Variants in AUTS2 observed in about 807,000 individuals in gnomAD.
The protein encoded by AUTS2 is autism susceptibility gene 2 protein.
A neutral mutation model predicts 112.4 loss-of-function variants in AUTS2; 17 were observed. The observed-to-expected ratio is 0.15, with a 90% CI of 0.10 to 0.23. AUTS2 has a LOEUF of 0.23. AUTS2 is among the 10% of genes least tolerant of loss of function. The probability of loss-of-function intolerance (pLI) is 1.00; values close to 1 mark genes in which losing one functional copy is unlikely to be tolerated. For synonymous variants in AUTS2, 751 were observed against 702.7 expected (o/e 1.07, Z -1.09); for missense variants, 1,510 against 1,701.6 (o/e 0.89, Z 1.98).
intron 5 of AUTS2, among the ~76,000 whole-genome samples, chr7:70,615,382 T>G (rs1203938052): frequency 6.6e-6 from 1 of 152,192 alleles, no homozygotes; most frequent in Non-Finnish European, 1.5e-5. Flanking sequence ...ATACAACTTC[T>G]GTCGAACTAA....
At chr7:69,872,883 C>T (rs945748618) in intron 1 of AUTS2, among the ~76,000 whole-genome samples, 2 of 124,842 alleles carry the variant, frequency 1.6e-5, no homozygotes, top group Non-Finnish European at 3.2e-5. Context: ...CACTTTGTCA[C>T]CCTGGCTGGA....
At chr7:70,623,641 C>T (rs926066621) in intron 5 of AUTS2, among the ~76,000 whole-genome samples, 2 of 152,166 alleles carry the variant, frequency 1.3e-5, no homozygotes, top group African/African-American at 2.4e-5. Flanking sequence ...CAACATGTCA[C>T]GTGTTCAGGG....
At chr7:69,985,526 G>A (rs921478801) in intron 2 of AUTS2, among the ~76,000 whole-genome samples, 4 of 152,046 alleles carry the variant, frequency 2.6e-5, no homozygotes, top group Non-Finnish European at 2.9e-5. Context: ...TTCTTATTAC[G>A]CTAAGAATAA....
chr7:69,868,012 C>G (rs1344422283), intron 1 of AUTS2, among the ~76,000 whole-genome samples: 1 of 151,300 alleles, frequency 6.6e-6, no homozygotes, highest in African/African-American at 2.4e-5. Flanking sequence ...TCTAGTAACC[C>G]TACATAGGCA....
At chr7:70,769,397 T>G (rs1439902750) in intron 10 of AUTS2, among the ~76,000 whole-genome samples, 1 of 152,100 alleles carries the variant, frequency 6.6e-6, no homozygotes, top group Non-Finnish European at 1.5e-5. Flanking sequence ...GCTAACAAAA[T>G]AATTCAGGCT....
Position 70,239,433 on chromosome 7 carries a change from A to AT in AUTS2, c.660+104870dup, listed in dbSNP as rs201176915. Among the ~76,000 whole-genome samples, 439 of 151,698 alleles carry AT rather than the reference A, an allele frequency of 2.9e-3. 1 individual carries two copies. Among genetic ancestry groups the AT allele is most frequent in the Middle Eastern group, 0.01 (3 of 294 alleles). On this transcript the variant is annotated intron_variant, in intron 4 of 18. Transcript: ENST00000342771. The stretch of plus-strand genomic sequence containing the variant: ...CATGCAGAGCCAGCCCTGCAACCTA[A>AT]TTTTTTTTGTTTTGTTTTTGAGACA...
At chr7:70,236,276 C>G (rs1812321937) in intron 4 of AUTS2, among the ~76,000 whole-genome samples, 1 of 152,058 alleles carries the variant, frequency 6.6e-6, no homozygotes, top group African/African-American at 2.4e-5. Context: ...TTGTTGTTTT[C>G]TTTTGGGTAT....
chr7:70,149,469 C>A (rs1807308836), intron 4 of AUTS2, among the ~76,000 whole-genome samples: 1 of 152,012 alleles, frequency 6.6e-6, no homozygotes, highest in Non-Finnish European at 1.5e-5. Flanking sequence ...TAACTAACTT[C>A]TATTTCACAT....
chr7:69,772,901 G>A lies in AUTS2; in HGVS notation c.310-126385G>A, dbSNP rs142296068. On this transcript the variant is annotated intron_variant, in intron 1 of 18. Coordinates refer to ENST00000342771, the MANE Select transcript of AUTS2 (RefSeq NM_015570.4). ...CTAAGGCAAATTCTTTTTGATTTCTGTGTTCCTTGACTTTATTTATTACTG... is the reference window on the plus strand; with the variant it reads ...CTAAGGCAAATTCTTTTTGATTTCTATGTTCCTTGACTTTATTTATTACTG... Among the ~76,000 whole-genome samples the A allele has an allele frequency of 2.0e-5, 3 of 152,248 alleles. No individual in the cohort carries two copies. In the East Asian group the frequency reaches 5.8e-4, roughly 29 times the overall value.
chr7:70,030,941 C>T (rs1028754399), intron 2 of AUTS2, among the ~76,000 whole-genome samples: 6 of 152,046 alleles, frequency 3.9e-5, no homozygotes, highest in African/African-American at 1.4e-4. Flanking sequence ...ATGAGACAAA[C>T]GGCTGTACTG....
chr7:70,451,894 A>G (rs1796548532), intron 5 of AUTS2, among the ~76,000 whole-genome samples: 1 of 152,188 alleles, frequency 6.6e-6, no homozygotes, highest in South Asian at 2.1e-4. Flanking sequence ...CACAGCATGA[A>G]CTGGGCCACC....
intron 1 of AUTS2, among the ~76,000 whole-genome samples, chr7:69,624,672 T>A (rs1469718684): frequency 6.6e-6 from 1 of 152,146 alleles, no homozygotes; most frequent in Admixed American, 6.5e-5. Flanking sequence ...TGAGAGCTGC[T>A]CCCTTTCCCC....
intron 2 of AUTS2, among the ~76,000 whole-genome samples, chr7:70,012,826 T>G (rs1301027712): frequency 6.6e-6 from 1 of 152,254 alleles, no homozygotes; most frequent in Non-Finnish European, 1.5e-5. Context: ...AGCTGGGTTG[T>G]ATTTATAATT....
chr7:70,036,805 T>C (rs1801024486), intron 2 of AUTS2, among the ~76,000 whole-genome samples: 1 of 152,336 alleles, frequency 6.6e-6, no homozygotes, highest in South Asian at 2.1e-4. Flanking sequence ...ACTGAGCTAA[T>C]TCTTTTGCCA....
chr7:69,781,776 A>T (rs1562879146), intron 1 of AUTS2, among the ~76,000 whole-genome samples: 1 of 152,160 alleles, frequency 6.6e-6, no homozygotes, highest in Non-Finnish European at 1.5e-5. Flanking sequence ...CCACACACCA[A>T]GTCTGGAGAG....
chr7:69,716,696 C>T (rs534088121), intron 1 of AUTS2, among the ~76,000 whole-genome samples: 1 of 152,184 alleles, frequency 6.6e-6, no homozygotes, highest in Admixed American at 6.5e-5. Context: ...CACAACTGCC[C>T]CCGACTTCAG....
intron 4 of AUTS2, among the ~76,000 whole-genome samples, chr7:70,360,654 C>G (rs1792219337): frequency 6.6e-6 from 1 of 152,132 alleles, no homozygotes; most frequent in South Asian, 2.1e-4. Context: ...TTATAAATGA[C>G]TTTCTGCTCT....
chr7:70,776,734 G>C (rs762745356), intron 13 of AUTS2: 2 of 342,612 alleles, frequency 5.8e-6, no homozygotes, highest in Non-Finnish European at 1.1e-5. Context: ...TTGCATTATA[G>C]CATGGCAACA....
intron 4 of AUTS2, among the ~76,000 whole-genome samples, chr7:70,289,942 G>A (rs780823175): frequency 2.0e-5 from 3 of 152,188 alleles, no homozygotes; most frequent in African/African-American, 7.2e-5. Context: ...AAGAGGGGCT[G>A]CATTTTTATA....
Sources: allele counts gnomAD v4.1 joint callset (sites outside exome capture counted in the v4.1 genomes callset), GRCh38; gene constraint gnomAD v4.1.1; transcripts MANE v1.5; gene names NCBI Gene and HGNC (gene_info 2026-07-23, HGNC 2026-07-21).